ZNF718: variants seen among roughly 807,000 people sequenced by gnomAD.
The protein encoded by ZNF718 is zinc finger protein 718.
A neutral mutation model predicts 2.6 loss-of-function variants in ZNF718; 3 were observed. The ratio of observed to expected loss-of-function variants is 1.16; its 90% CI spans 0.53 to 3.01. The LOEUF is 3.01. Among genes scored for constraint, ZNF718 ranks in the 30% most tolerant of loss-of-function variants. The pLI, the probability that ZNF718 is intolerant of heterozygous loss-of-function variation, is 0.03. For synonymous variants in ZNF718, 135 were observed against 77.9 expected, an observed-to-expected ratio of 1.73 and a Z score of -3.86; for missense variants, 468 against 230.0, an observed-to-expected ratio of 2.03 and a Z score of -6.69.
chr4:164,848 C>A (rs1183624125), downstream of ZNF718, among the ~76,000 whole-genome samples: 1 of 152,100 alleles, frequency 6.6e-6, no homozygotes, highest in Admixed American at 6.6e-5. Context: ...TTGCAGTGAA[C>A]AAACATAAGA....
intron 3 of ZNF718, among the ~76,000 whole-genome samples, chr4:137,661 T>G (rs1715629607): frequency 6.6e-6 from 1 of 152,220 alleles, no homozygotes; most frequent in South Asian, 2.1e-4. Flanking sequence ...CATTTTCACC[T>G]CCTGTTCATT....
chr4:161,683 A>C lies in ZNF718; in HGVS notation c.998A>C (p.His333Pro), dbSNP rs1374330659. The C allele has an allele frequency of 6.4e-6, 5 of 779,296 alleles. No homozygotes were observed. The highest frequency in any genetic ancestry group is 1.2e-5 in the Non-Finnish European group (5 of 417,184). 48.3% of individuals were successfully genotyped at this position (779,296 alleles called of 1,614,324 possible). A position where few individuals can be genotyped will look rare whatever the true frequency, so the allele number is the denominator to read the frequency against. ...SSDFAKHKRI[H>P]TGEKPYKCEE... is the part of the protein sequence containing the mutation. ...GACTTTGCTAAACATAAGAGAATTC[A>C]TACAGGAGAGAAACCCTACAAATGT... The change falls in exon 4 of 4, where the codon CAT becomes CCT. Residue 333 changes from histidine (H) to proline (P), a missense_variant. Transcript: ENST00000510175.
intron 3 of ZNF718, among the ~76,000 whole-genome samples, chr4:141,619 G>A (rs1458700117): frequency 2.6e-5 from 4 of 152,106 alleles, no homozygotes; most frequent in African/African-American, 9.7e-5. Flanking sequence ...TTGCTAAAAT[G>A]ATGTTCAATC....
downstream of ZNF718, among the ~76,000 whole-genome samples, chr4:165,896 C>G (rs1004995079): frequency 6.6e-6 from 1 of 151,992 alleles, no homozygotes; most frequent in Non-Finnish European, 1.5e-5. Context: ...ATGTGCACAA[C>G]GTGCAGGTTA....
downstream of ZNF718, among the ~76,000 whole-genome samples, chr4:165,368 A>G (rs1553816588): frequency 6.6e-6 from 1 of 152,242 alleles, no homozygotes; most frequent in African/African-American, 2.4e-5. Flanking sequence ...AAATTTTATG[A>G]AATTCTAAAC....
Position 160,993 on chromosome 4 carries a change from A to C in ZNF718, c.308A>C (p.His103Pro). 1 of 781,040 alleles carries C rather than the reference A, an allele frequency of 1.3e-6. No homozygotes were observed. The highest frequency in any genetic ancestry group is 1.7e-5 in the African/African-American group (1 of 59,272). The allele number at this position is 781,040 out of a possible 1,614,324, so 48.4% of individuals were successfully genotyped here. A position where few individuals can be genotyped will look rare whatever the true frequency, so the allele number is the denominator to read the frequency against. Residue 103 changes from histidine to proline, a missense_variant, in exon 4 of 4, where the codon CAT becomes CCT. Transcript: ENST00000510175. ...DSFHKLIPKG[H>P]EKRGHENLRK... ...TTCCACAAACTTATACCAAAAGGACATGAGAAACGTGGACATGAGAATTTA... is the reference window on the plus strand; with the variant it reads ...TTCCACAAACTTATACCAAAAGGACCTGAGAAACGTGGACATGAGAATTTA...
intron 3 of ZNF718, among the ~76,000 whole-genome samples, chr4:169,277 G>A (rs998917656): frequency 4.6e-5 from 7 of 152,266 alleles, no homozygotes; most frequent in Admixed American, 6.5e-5. Flanking sequence ...CCAACTATGT[G>A]GTCGATTTTG....
At chr4:191,905 C>A (rs1333867335) in intron 3 of ZNF718, among the ~76,000 whole-genome samples, 1 of 152,092 alleles carries the variant, frequency 6.6e-6, no homozygotes, top group Non-Finnish European at 1.5e-5. Flanking sequence ...AGGAATGGAA[C>A]CTTGGGCCAT....
chr4:137,269 A>G (rs1407361940), intron 3 of ZNF718, among the ~76,000 whole-genome samples: 2 of 152,320 alleles, frequency 1.3e-5, no homozygotes, highest in Middle Eastern at 3.4e-3. Context: ...AGTCTCAGGT[A>G]TTTATAGCAA....
intron 3 of ZNF718, among the ~76,000 whole-genome samples, chr4:143,114 T>C (rs1362148604): frequency 6.6e-6 from 1 of 152,126 alleles, no homozygotes; most frequent in East Asian, 1.9e-4. Flanking sequence ...AAATCCAAAA[T>C]GATGGTAACT....
intron 3 of ZNF718, among the ~76,000 whole-genome samples, chr4:160,466 G>A (rs1716773552): frequency 6.6e-6 from 1 of 152,154 alleles, no homozygotes; most frequent in African/African-American, 2.4e-5. Flanking sequence ...GGTATTTACT[G>A]AGCATCTTAC....
intron 2 of ZNF718, 60 bp downstream of exon 2, chr4:130,974 T>C: frequency 3.8e-6 from 1 of 266,622 alleles, no homozygotes. Flanking sequence ...TTTCTTCCTT[T>C]GTAGAATGTC....
intron 3 of ZNF718, among the ~76,000 whole-genome samples, chr4:156,147 T>C (rs1010590890): frequency 6.6e-6 from 1 of 152,182 alleles, no homozygotes; most frequent in Non-Finnish European, 1.5e-5. Context: ...TACCCCATCT[T>C]TGGGTATGTT....
intron 3 of ZNF718, among the ~76,000 whole-genome samples, chr4:144,959 A>G (rs941724379): frequency 1.3e-5 from 2 of 151,148 alleles, no homozygotes; most frequent in Non-Finnish European, 2.9e-5. Context: ...TTTTTTCTAT[A>G]TGTCTCTTTT....
At chr4:181,336 G>T (rs1717458572) in intron 3 of ZNF718, among the ~76,000 whole-genome samples, 1 of 151,556 alleles carries the variant, frequency 6.6e-6, no homozygotes, top group Non-Finnish European at 1.5e-5. Context: ...TTTTGCTTTT[G>T]TGTAATACCT....
chr4:124,999 C>A, intron 1 of ZNF718: 1 of 302,070 alleles, frequency 3.3e-6, no homozygotes, highest in East Asian at 8.7e-5. Context: ...CCTACTTTAC[C>A]CTGTTCAGAA....
intron 3 of ZNF718, among the ~76,000 whole-genome samples, chr4:137,616 A>G (rs1244411373): frequency 6.6e-6 from 1 of 152,130 alleles, no homozygotes; most frequent in Non-Finnish European, 1.5e-5. Context: ...TTTTTTCAAT[A>G]ATTGTTTGCT....
intron 3 of ZNF718, among the ~76,000 whole-genome samples, chr4:149,174 A>G (rs1021964811): frequency 2.0e-5 from 3 of 152,142 alleles, no homozygotes; most frequent in East Asian, 3.8e-4. Flanking sequence ...AAATTATCTG[A>G]TTTCAAATTC....
chr4:168,730 G>A (rs1342755570), downstream of ZNF718, among the ~76,000 whole-genome samples: 2 of 151,844 alleles, frequency 1.3e-5, no homozygotes, highest in Admixed American at 6.6e-5. Context: ...GCATCTATTT[G>A]ATTCTTCTCT....
Sources: gnomAD v4.1 joint callset for allele counts (sites outside exome capture counted in the v4.1 genomes callset) on GRCh38, gnomAD v4.1.1 for gene constraint, MANE v1.5 for transcripts, NCBI Gene and HGNC (gene_info 2026-07-23, HGNC 2026-07-21) for gene names.